The following VPS33A variants were observed in gnomAD, a reference collection of about 807,000 sequenced individuals.
VPS33A encodes the protein vacuolar protein sorting-associated protein 33A.
A neutral mutation model predicts 71.8 loss-of-function variants in VPS33A; 32 were observed. The observed-to-expected ratio is 0.45, with a 90% CI of 0.34 to 0.60. VPS33A has a LOEUF of 0.60. Ranked by LOEUF, VPS33A falls within the 20% of genes least tolerant of loss-of-function variation. VPS33A has a pLI of 0.02. For synonymous variants in VPS33A, 311 were observed against 292.7 expected, an observed-to-expected ratio of 1.06 and a Z score of -0.64; for missense variants, 625 against 748.5, an observed-to-expected ratio of 0.84 and a Z score of 1.92.
intron 8 of VPS33A, among the ~76,000 whole-genome samples, chr12:122,241,488 A>C (rs2136129388): frequency 6.6e-6 from 1 of 152,128 alleles, no homozygotes; most frequent in South Asian, 2.1e-4. Flanking sequence ...TATTTTTAGT[A>C]CAGATGGTGT....
At chr12:122,257,332 C>T (rs1954931652) in intron 4 of VPS33A, among the ~76,000 whole-genome samples, 1 of 147,208 alleles carries the variant, frequency 6.8e-6, no homozygotes, top group African/African-American at 2.5e-5. Context: ...GAGGCTGAGG[C>T]AAGAGAACTG....
intron 3 of VPS33A, among the ~76,000 whole-genome samples, chr12:122,262,262 CCT>C (rs767154535): frequency 1.6e-4 from 24 of 152,078 alleles, no homozygotes; most frequent in African/African-American, 2.7e-4. Flanking sequence ...CTTTCTTCCC[CCT>C]GACAGGAAAG....
chr12:122,245,417 T>A (rs1954764309), intron 6 of VPS33A, among the ~76,000 whole-genome samples: 1 of 151,600 alleles, frequency 6.6e-6, no homozygotes, highest in African/African-American at 2.4e-5. Flanking sequence ...AACTACGGTC[T>A]GAGGACCAAA....
chr12:122,239,357 T>A (rs1057078287), intron 9 of VPS33A, among the ~76,000 whole-genome samples: 8 of 152,230 alleles, frequency 5.3e-5, no homozygotes, highest in Non-Finnish European at 1.0e-4. Context: ...TTGCCATGTA[T>A]GGCAGAAAGT....
At chr12:122,260,196 G>GA (rs1431028884) in intron 4 of VPS33A, among the ~76,000 whole-genome samples, 1 of 152,126 alleles carries the variant, frequency 6.6e-6, no homozygotes, top group East Asian at 1.9e-4. Flanking sequence ...GCCATACTTA[G>GA]AGAGTGGAGA....
chr12:122,238,347 A>T (rs553483011), intron 10 of VPS33A, among the ~76,000 whole-genome samples: 1 of 152,166 alleles, frequency 6.6e-6, no homozygotes, highest in East Asian at 1.9e-4. Context: ...GATCCTCTCA[A>T]ATAGCTGGGA....
At chr12:122,232,655 C>A in intron 12 of VPS33A, 145 bp downstream of exon 12, 1 of 1,146,392 alleles carries the variant, frequency 8.7e-7, no homozygotes, top group South Asian at 1.6e-5. Flanking sequence ...GATTCGAGTT[C>A]TTACTACATA....
chr12:122,258,707 A>G (rs1322022386), intron 4 of VPS33A, among the ~76,000 whole-genome samples: 2 of 151,844 alleles, frequency 1.3e-5, no homozygotes, highest in African/African-American at 4.8e-5. Context: ...CAGGCCAGGC[A>G]TGGTGGCTCA....
At chr12:122,266,186 G>T in intron 1 of VPS33A, 121 bp downstream of exon 1, 1 of 1,422,112 alleles carries the variant, frequency 7.0e-7, no homozygotes, top group Admixed American at 2.4e-5. Flanking sequence ...AGGGCCCTGA[G>T]GCTCGCCTCC....
In VPS33A at chr12:122,237,630, G is replaced by A. The variant is rs1027024233; in HGVS notation, c.1302+957C>T. ...GCAATCTCGGCTCACTGCAAGCTCC[G>A]CCTCCCGGGTTCACGCCATTCTCCT... is the stretch of plus-strand genomic sequence containing the variant. On this transcript the variant is annotated intron_variant, in intron 10 of 12. Transcript: ENST00000267199. 6.5e-4 allele frequency among the ~76,000 whole-genome samples: 87 copies of A among 134,872 alleles called. 1 individual carries two copies. The highest frequency in any genetic ancestry group is 1.0e-3 in the Non-Finnish European group (67 of 65,974). The allele number at this position is 134,872 out of a possible 152,430, so 88.5% of individuals were successfully genotyped here.
intron 9 of VPS33A, 41 bp downstream of exon 9, chr12:122,239,837 G>GCT: frequency 7.0e-7 from 1 of 1,431,276 alleles, no homozygotes; most frequent in Non-Finnish European, 9.6e-7. Flanking sequence ...GGTTTAATAA[G>GCT]CTTTCAATTA....
chr12:122,239,847 ACT>A, intron 9 of VPS33A, 29 bp downstream of exon 9: 1 of 1,530,320 alleles, frequency 6.5e-7, no homozygotes, highest in Non-Finnish European at 9.0e-7. Context: ...GCTTTCAATT[ACT>A]TGTTAAAGAG....
intron 4 of VPS33A, among the ~76,000 whole-genome samples, chr12:122,255,764 C>A (rs893678342): frequency 6.8e-6 from 1 of 146,452 alleles, no homozygotes; most frequent in Non-Finnish European, 1.5e-5. Flanking sequence ...TAGGATTAGT[C>A]GGTGGTGCCA....
intron 8 of VPS33A, among the ~76,000 whole-genome samples, chr12:122,241,587 G>A (rs1038892745): frequency 2.7e-5 from 4 of 149,882 alleles, no homozygotes; most frequent in African/African-American, 7.3e-5. Flanking sequence ...TTACAGACAT[G>A]AGCCACCTCG....
intron 3 of VPS33A, among the ~76,000 whole-genome samples, chr12:122,262,446 T>A (rs1339875439): frequency 2.0e-5 from 3 of 152,196 alleles, no homozygotes; most frequent in Non-Finnish European, 2.9e-5. Flanking sequence ...AGATCACTTT[T>A]GACTCCCACT....
At chr12:122,255,867 G>C (rs1028508180) in intron 4 of VPS33A, among the ~76,000 whole-genome samples, 2 of 152,124 alleles carry the variant, frequency 1.3e-5, no homozygotes, top group African/African-American at 4.8e-5. Context: ...GCACTGGTGT[G>C]ATCACAGCGC....
Position 122,244,706 on chromosome 12 carries a change from T to C in VPS33A, c.832A>G (p.Lys278Glu). The C allele has an allele frequency of 6.2e-7, 1 of 1,614,192 alleles. No individual in the cohort carries two copies. The highest frequency in any genetic ancestry group is 8.5e-7 in the Non-Finnish European group (1 of 1,180,034). ...FAPKKQGDGGKDLPTEAKKLQ... is the reference protein window; with the variant it reads ...FAPKKQGDGGEDLPTEAKKLQ... ...TTCTTTGCTTCCGTGGGGAGGTCCT[T>C]ACCACCATCGCCCTGTTTCTTAGGT... is the stretch of plus-strand genomic sequence containing the variant. Residue 278 changes from lysine to glutamate, a missense_variant, in exon 7 of 13, where the codon AAG becomes GAG. Coordinates refer to ENST00000267199, the MANE Select transcript of VPS33A (RefSeq NM_022916.6).
chr12:122,265,946 TC>T (rs2136156916), intron 1 of VPS33A, among the ~76,000 whole-genome samples: 1 of 152,290 alleles, frequency 6.6e-6, no homozygotes, highest in African/African-American at 2.4e-5. Flanking sequence ...ACACGTATGA[TC>T]CCTGTAATGA....
intron 4 of VPS33A, among the ~76,000 whole-genome samples, chr12:122,254,723 G>A (rs1316234655): frequency 1.3e-5 from 2 of 152,116 alleles, no homozygotes; most frequent in African/African-American, 4.8e-5. Flanking sequence ...CATCTTAGGT[G>A]AATATACAAA....
Sources: allele counts gnomAD v4.1 joint callset (sites outside exome capture counted in the v4.1 genomes callset), GRCh38; gene constraint gnomAD v4.1.1; transcripts MANE v1.5; gene names NCBI Gene and HGNC (gene_info 2026-07-23, HGNC 2026-07-21).